ASAP1: variants seen among roughly 807,000 people sequenced by gnomAD.
The protein encoded by ASAP1 is arf-GAP with SH3 domain, ANK repeat and PH domain-containing protein 1.
ASAP1 carries 43 observed loss-of-function variants against 145.2 expected under a neutral mutation model. The ratio of observed to expected loss-of-function variants is 0.30; its 90% CI spans 0.23 to 0.38. The LOEUF (loss-of-function observed/expected upper bound fraction) is 0.38. Among genes scored for constraint, ASAP1 ranks in the 10% least tolerant of loss-of-function variants. The probability of loss-of-function intolerance (pLI) is 1.00; values close to 1 mark genes in which losing one functional copy is unlikely to be tolerated. For synonymous variants in ASAP1, 546 were observed against 515.5 expected, an observed-to-expected ratio of 1.06 and a Z score of -0.80; for missense variants, 1,018 against 1,355.3, an observed-to-expected ratio of 0.75 and a Z score of 3.91.
At position 130,166,600 on chromosome 8, in the gene ASAP1, A is replaced by G. The variant is rs566797212; in HGVS notation, c.909+936T>C. ...CATCTTCCAATGTATCTCTAATAGT[A>G]TCCATACCACTTTAGGCATGATGGA... On this transcript the variant is annotated intron_variant, in intron 11 of 29. Coordinates refer to ENST00000518721, the MANE Select transcript of ASAP1 (RefSeq NM_018482.4). Among the ~76,000 whole-genome samples the G allele has an allele frequency of 1.4e-4, 22 of 152,210 alleles. No individual in the cohort carries two copies. In the South Asian group the frequency reaches 3.1e-3, roughly 21 times the overall value.
intron 5 of ASAP1, among the ~76,000 whole-genome samples, chr8:130,213,752 T>C (rs1029369800): frequency 2.0e-5 from 3 of 152,182 alleles, no homozygotes; most frequent in African/African-American, 7.2e-5. Context: ...ACTGGGTGGC[T>C]CTTAGAGAAA....
At chr8:130,375,194 T>C (rs1827423897) in intron 2 of ASAP1, among the ~76,000 whole-genome samples, 1 of 152,080 alleles carries the variant, frequency 6.6e-6, no homozygotes, top group Non-Finnish European at 1.5e-5. Context: ...TTTATGGTTA[T>C]TGTCTTGTGC....
intron 3 of ASAP1, among the ~76,000 whole-genome samples, chr8:130,323,479 G>A (rs997520352): frequency 1.3e-5 from 2 of 152,166 alleles, no homozygotes; most frequent in African/African-American, 4.8e-5. Context: ...GTAATTTCAA[G>A]GCACAGATTT....
chr8:130,302,215 G>A (rs1822720756), intron 3 of ASAP1, among the ~76,000 whole-genome samples: 1 of 152,214 alleles, frequency 6.6e-6, no homozygotes, highest in Admixed American at 6.5e-5. Flanking sequence ...AAAAGGCATT[G>A]ATTGTCCAGT....
chr8:130,276,655 A>C (rs1453199722), intron 3 of ASAP1, among the ~76,000 whole-genome samples: 7 of 147,132 alleles, frequency 4.8e-5, no homozygotes, highest in Middle Eastern at 3.3e-3. Flanking sequence ...TGGGATTTGC[A>C]GGCCAAACGT....
chr8:130,171,518 G>C (rs889847307), intron 9 of ASAP1, among the ~76,000 whole-genome samples: 1 of 152,144 alleles, frequency 6.6e-6, no homozygotes, highest in Non-Finnish European at 1.5e-5. Flanking sequence ...CAAGAGAACA[G>C]CATGGGGGAA....
chr8:130,076,818 C>T (rs2097463445), intron 26 of ASAP1, among the ~76,000 whole-genome samples: 1 of 152,186 alleles, frequency 6.6e-6, no homozygotes, highest in South Asian at 2.1e-4. Flanking sequence ...CTGTGCCCAG[C>T]CTCAAAATGT....
At chr8:130,376,898 C>T (rs1352217036) in intron 2 of ASAP1, among the ~76,000 whole-genome samples, 1 of 74,128 alleles carries the variant, frequency 1.3e-5, no homozygotes, top group African/African-American at 6.0e-5. Context: ...AGCAAAACTC[C>T]ATCTCAAAAA....
intron 27 of ASAP1, among the ~76,000 whole-genome samples, chr8:130,073,713 G>A (rs996397105): frequency 1.3e-5 from 2 of 152,116 alleles, no homozygotes; most frequent in African/African-American, 2.4e-5. Flanking sequence ...CTGGCCCATC[G>A]GCTTGCAGAG....
At chr8:130,285,522 A>T (rs928973899) in intron 3 of ASAP1, among the ~76,000 whole-genome samples, 5 of 152,242 alleles carry the variant, frequency 3.3e-5, no homozygotes, top group Non-Finnish European at 7.3e-5. Context: ...GTATCTTTTT[A>T]AAAAATTTGT....
intron 3 of ASAP1, among the ~76,000 whole-genome samples, chr8:130,264,093 C>A (rs1405600060): frequency 1.3e-5 from 2 of 152,168 alleles, no homozygotes; most frequent in Non-Finnish European, 2.9e-5. Context: ...TGGAGGTCAA[C>A]AGAGAGACAC....
chr8:130,391,387 A>G (rs1383571836), intron 2 of ASAP1, among the ~76,000 whole-genome samples: 5 of 152,264 alleles, frequency 3.3e-5, no homozygotes, highest in Non-Finnish European at 7.3e-5. Flanking sequence ...CAATGTGAAC[A>G]TACTTAATGC....
rs115009328 is a variant in ASAP1 at position 130,283,872 on chromosome 8, C to T, written c.187-46878G>A. On this transcript the variant is annotated intron_variant, in intron 3 of 29. Coordinates refer to ENST00000518721, the MANE Select transcript of ASAP1 (RefSeq NM_018482.4). The stretch of plus-strand genomic sequence containing the variant: ...GATAATGTCCAATGAAGGGTAAGGG[C>T]CTAAAAAAATGGTGCCATTTCAGGA... Among the ~76,000 whole-genome samples, 1,265 of 152,100 alleles carry T rather than the reference C, an allele frequency of 8.3e-3. 19 individuals are homozygous for T. Among genetic ancestry groups the T allele is most frequent in the African/African-American group, 0.029 (1,217 of 41,496 alleles).
chr8:130,253,192 C>A (rs1819307754), intron 3 of ASAP1, among the ~76,000 whole-genome samples: 2 of 152,182 alleles, frequency 1.3e-5, no homozygotes, highest in Non-Finnish European at 2.9e-5. Context: ...AGCCAAACCG[C>A]CTGTGGTCAA....
intron 9 of ASAP1, among the ~76,000 whole-genome samples, chr8:130,174,756 T>C (rs1271755617): frequency 6.6e-6 from 1 of 152,254 alleles, no homozygotes; most frequent in East Asian, 1.9e-4. Context: ...ATGCCATCTT[T>C]TGTGTCTGGC....
chr8:130,386,443 T>A (rs1014069093), intron 2 of ASAP1, among the ~76,000 whole-genome samples: 2 of 152,176 alleles, frequency 1.3e-5, no homozygotes, highest in Non-Finnish European at 2.9e-5. Context: ...CACCCTGTCC[T>A]GATGAAAAAA....
chr8:130,071,356 T>C (rs1256051685), intron 27 of ASAP1, among the ~76,000 whole-genome samples: 1 of 152,234 alleles, frequency 6.6e-6, no homozygotes, highest in East Asian at 1.9e-4. Flanking sequence ...GAGGGCATCA[T>C]GGGGGTGAGA....
At chr8:130,108,757 GTTTTTTTTTTTTTTTTTTTTTTT>G (rs10568607) in intron 24 of ASAP1, among the ~76,000 whole-genome samples, 2 of 51,560 alleles carry the variant, frequency 3.9e-5, no homozygotes, top group Non-Finnish European at 3.3e-5. Context: ...TCAAAAACCA[GTTTTTTTTTTTTTTTTTTTTTTT>G]TTTTTTTTTT....
intron 2 of ASAP1, among the ~76,000 whole-genome samples, chr8:130,366,179 G>A (rs7005271): frequency 0.045 from 6,805 of 152,130 alleles, 264 homozygotes; most frequent in African/African-American, 0.11. Context: ...AGAAACTCCC[G>A]TCTACAACAG....
Sources: allele counts gnomAD v4.1 joint callset (sites outside exome capture counted in the v4.1 genomes callset), GRCh38; gene constraint gnomAD v4.1.1; transcripts MANE v1.5; gene names NCBI Gene and HGNC (gene_info 2026-07-23, HGNC 2026-07-21).